Variants in RBFOX1 observed in about 807,000 individuals in gnomAD.
The protein encoded by RBFOX1 is RNA binding fox-1 homolog 1, also known as RNA binding protein fox-1 homolog 1.
Under a neutral mutation model 57.7 loss-of-function variants are expected in RBFOX1, and 8 were observed. That is an observed-to-expected ratio of 0.14 (90% confidence interval 0.08 to 0.25). The LOEUF (loss-of-function observed/expected upper bound fraction) is 0.25. Among genes scored for constraint, RBFOX1 ranks in the 10% least tolerant of loss-of-function variants. The probability of loss-of-function intolerance (pLI) is 1.00; values close to 1 mark genes in which losing one functional copy is unlikely to be tolerated. For missense variants in RBFOX1, 611 were observed against 548.5 expected, an observed-to-expected ratio of 1.11 and a Z score of -1.14; for synonymous variants, 326 against 222.4, an observed-to-expected ratio of 1.47 and a Z score of -4.15.
intron 1 of RBFOX1, among the ~76,000 whole-genome samples, chr16:5,271,343 G>A (rs139076842): frequency 6.4e-5 from 9 of 141,110 alleles, no homozygotes; most frequent in Admixed American, 1.4e-4. Flanking sequence ...GATTGCAGAA[G>A]AAGACCCTGT....
intron 1 of RBFOX1, among the ~76,000 whole-genome samples, chr16:5,436,083 G>C (rs552256778): frequency 6.6e-6 from 1 of 152,194 alleles, no homozygotes; most frequent in Non-Finnish European, 1.5e-5. Flanking sequence ...TGGCCTCCCA[G>C]TGGGAGCAAT....
intron 1 of RBFOX1, among the ~76,000 whole-genome samples, chr16:6,228,909 A>T (rs1327760576): frequency 1.3e-5 from 2 of 152,216 alleles, no homozygotes; most frequent in Non-Finnish European, 2.9e-5. Flanking sequence ...TGATAAACAT[A>T]TATAATTTTA....
At chr16:5,570,357 A>T (rs1346498381) in intron 2 of RBFOX1, among the ~76,000 whole-genome samples, 1 of 152,136 alleles carries the variant, frequency 6.6e-6, no homozygotes, top group Non-Finnish European at 1.5e-5. Context: ...TAACCCTATA[A>T]GGGTTGTTGT....
intron 3 of RBFOX1, among the ~76,000 whole-genome samples, chr16:5,667,242 C>A (rs1240031632): frequency 6.6e-6 from 1 of 152,198 alleles, no homozygotes; most frequent in African/African-American, 2.4e-5. Flanking sequence ...TCTCCACTCT[C>A]TCCACCCCCA....
At chr16:5,726,269 C>T (rs2052148515) in intron 3 of RBFOX1, among the ~76,000 whole-genome samples, 1 of 151,936 alleles carries the variant, frequency 6.6e-6, no homozygotes, top group African/African-American at 2.4e-5. Flanking sequence ...CCGTTGTCTC[C>T]CTTTCTGGGG....
At chr16:7,028,130 A>C (rs1260363839) in intron 3 of RBFOX1, among the ~76,000 whole-genome samples, 1 of 152,174 alleles carries the variant, frequency 6.6e-6, no homozygotes, top group Non-Finnish European at 1.5e-5. Context: ...AAGCCTGCAG[A>C]AATATTGGAA....
At chr16:5,306,612 C>A (rs1379428896) in intron 1 of RBFOX1, among the ~76,000 whole-genome samples, 1 of 152,110 alleles carries the variant, frequency 6.6e-6, no homozygotes, top group Non-Finnish European at 1.5e-5. Context: ...TGGCCGGGGT[C>A]TTGTAGAATT....
At chr16:6,560,890 A>G (rs1175009209) in intron 2 of RBFOX1, among the ~76,000 whole-genome samples, 1 of 152,262 alleles carries the variant, frequency 6.6e-6, no homozygotes, top group East Asian at 1.9e-4. Context: ...TTAATGTGAA[A>G]GGATAAAATG....
chr16:7,316,696 C>G (rs2096447466), intron 4 of RBFOX1, among the ~76,000 whole-genome samples: 2 of 151,978 alleles, frequency 1.3e-5, no homozygotes, highest in Non-Finnish European at 2.9e-5. Context: ...GTGAGGGAAG[C>G]TTTTTTGAAG....
intron 3 of RBFOX1, among the ~76,000 whole-genome samples, chr16:6,780,211 A>ATATATATT (rs553761950): frequency 0.42 from 18,543 of 44,450 alleles, 4,893 homozygotes; most frequent in Non-Finnish European, 0.45. Flanking sequence ...TTATATATTT[A>ATATATATT]TATATATTTA....
intron 2 of RBFOX1, among the ~76,000 whole-genome samples, chr16:6,618,875 T>C (rs186853614): frequency 9.7e-4 from 147 of 152,290 alleles, no homozygotes; most frequent in Non-Finnish European, 1.8e-3. Flanking sequence ...TTCACTCTTG[T>C]TGTTGTCCTC....
At chr16:7,455,258 G>C (rs1309383780) in intron 4 of RBFOX1, among the ~76,000 whole-genome samples, 2 of 152,120 alleles carry the variant, frequency 1.3e-5, no homozygotes, top group African/African-American at 4.8e-5. Flanking sequence ...TGTAATACCT[G>C]AATATGTATT....
chr16:7,506,447 G>A (rs888055504), intron 4 of RBFOX1, among the ~76,000 whole-genome samples: 15 of 152,028 alleles, frequency 9.9e-5, no homozygotes, highest in Non-Finnish European at 2.1e-4. Context: ...GGTAATGTAG[G>A]CAAAGCTACT....
chr16:5,923,115 C>G (rs535571540), intron 4 of RBFOX1, among the ~76,000 whole-genome samples: 35 of 152,214 alleles, frequency 2.3e-4, no homozygotes, highest in African/African-American at 8.4e-4. Context: ...TGCTGTGCAC[C>G]AAATGATGCA....
intron 3 of RBFOX1, among the ~76,000 whole-genome samples, chr16:7,005,969 G>A (rs964222969): frequency 3.9e-5 from 6 of 152,072 alleles, no homozygotes; most frequent in African/African-American, 1.4e-4. Flanking sequence ...CCCCTACTCA[G>A]GATCACGTAA....
chr16:7,312,880 C>G (rs1048249843), intron 4 of RBFOX1, among the ~76,000 whole-genome samples: 29 of 117,884 alleles, frequency 2.5e-4, no homozygotes, highest in Admixed American at 1.6e-3. Flanking sequence ...TAGATCGTCA[C>G]CCAGGAGAGT....
At chr16:7,225,997 A>C (rs748927152) in intron 4 of RBFOX1, among the ~76,000 whole-genome samples, 4 of 151,500 alleles carry the variant, frequency 2.6e-5, no homozygotes. Context: ...GCTCTAAGGA[A>C]TGGGCCTTGC....
At chr16:6,123,427 C>A (rs938838738) in intron 1 of RBFOX1, among the ~76,000 whole-genome samples, 1 of 152,114 alleles carries the variant, frequency 6.6e-6, no homozygotes, top group Non-Finnish European at 1.5e-5. Context: ...CTATATGGTT[C>A]TACTTCTAGG....
intron 3 of RBFOX1, among the ~76,000 whole-genome samples, chr16:5,747,812 T>C (rs2151609894): frequency 6.6e-6 from 1 of 152,314 alleles, no homozygotes; most frequent in Non-Finnish European, 1.5e-5. Context: ...TTTGTTGATC[T>C]TTCAGAAAAC....
Sources: gnomAD v4.1 joint callset for allele counts (sites outside exome capture counted in the v4.1 genomes callset) on GRCh38, gnomAD v4.1.1 for gene constraint, MANE v1.5 for transcripts, NCBI Gene and HGNC (gene_info 2026-07-23, HGNC 2026-07-21) for gene names.